The following FBXL7 variants were observed in gnomAD, a reference collection of about 807,000 sequenced individuals.
The protein encoded by FBXL7 is F-box/LRR-repeat protein 7.
In FBXL7, 12 loss-of-function variants were observed where a neutral mutation model predicts 38.3. The ratio of observed to expected loss-of-function variants is 0.31; its 90% CI spans 0.20 to 0.51. FBXL7 has a LOEUF of 0.51. Ranked by LOEUF, FBXL7 falls within the 20% of genes least tolerant of loss-of-function variation. The pLI is 0.98. For synonymous variants in FBXL7, 297 were observed against 300.9 expected, an observed-to-expected ratio of 0.99 and a Z score of 0.13; for missense variants, 567 against 676.4, an observed-to-expected ratio of 0.84 and a Z score of 1.79.
At chr5:15,725,711 A>G (rs1744326776) in intron 2 of FBXL7, among the ~76,000 whole-genome samples, 1 of 152,128 alleles carries the variant, frequency 6.6e-6, no homozygotes, top group Non-Finnish European at 1.5e-5. Context: ...ACCTAGGCTC[A>G]CTGCAACCTC....
chr5:15,659,061 A>G (rs1175616400), intron 2 of FBXL7, among the ~76,000 whole-genome samples: 1 of 152,182 alleles, frequency 6.6e-6, no homozygotes, highest in Non-Finnish European at 1.5e-5. Context: ...AGTCATGCTG[A>G]AGTGTGAATC....
intron 2 of FBXL7, among the ~76,000 whole-genome samples, chr5:15,927,109 C>T: frequency 6.6e-6 from 1 of 152,104 alleles, no homozygotes; most frequent in Middle Eastern, 3.4e-3. Context: ...AAACTATGAC[C>T]TGATGGGATT....
chr5:15,557,156 T>G (rs954379813), intron 1 of FBXL7, among the ~76,000 whole-genome samples: 14 of 152,156 alleles, frequency 9.2e-5, no homozygotes, highest in African/African-American at 3.4e-4. Flanking sequence ...GCCAGGATGG[T>G]CTCCATCTCT....
At chr5:15,903,096 T>C (rs1741270003) in intron 2 of FBXL7, among the ~76,000 whole-genome samples, 1 of 152,226 alleles carries the variant, frequency 6.6e-6, no homozygotes, top group East Asian at 1.9e-4. Context: ...GCCAAATGAC[T>C]ACATTGAGGG....
intron 2 of FBXL7, among the ~76,000 whole-genome samples, chr5:15,854,182 C>T (rs915736055): frequency 3.9e-5 from 6 of 152,148 alleles, no homozygotes; most frequent in African/African-American, 2.4e-5. Flanking sequence ...TAATAAACAA[C>T]CATCTGTTAG....
At chr5:15,741,303 AAC>A (rs1735887410) in intron 2 of FBXL7, among the ~76,000 whole-genome samples, 3 of 152,220 alleles carry the variant, frequency 2.0e-5, no homozygotes, top group Admixed American at 2.0e-4. Context: ...TAATTTTAGT[AAC>A]AGTTTTACCT....
chr5:15,925,635 A>G (rs1183751455), intron 2 of FBXL7, among the ~76,000 whole-genome samples: 1 of 152,248 alleles, frequency 6.6e-6, no homozygotes, highest in Non-Finnish European at 1.5e-5. Flanking sequence ...ATATAAGCAT[A>G]GAGCTTTTGT....
intron 2 of FBXL7, among the ~76,000 whole-genome samples, chr5:15,857,731 T>A (rs1229975992): frequency 6.6e-6 from 1 of 152,202 alleles, no homozygotes; most frequent in African/African-American, 2.4e-5. Flanking sequence ...TAGATTGGGA[T>A]CAGAAAACAT....
intron 2 of FBXL7, among the ~76,000 whole-genome samples, chr5:15,803,331 T>A (rs1210328782): frequency 6.6e-6 from 1 of 152,178 alleles, no homozygotes; most frequent in Non-Finnish European, 1.5e-5. Flanking sequence ...TCTTCTTCAA[T>A]ATAACATTGT....
chr5:15,683,054 A>G (rs1742900119), intron 2 of FBXL7, among the ~76,000 whole-genome samples: 1 of 152,168 alleles, frequency 6.6e-6, no homozygotes, highest in Admixed American at 6.5e-5. Context: ...AGAATAAGAG[A>G]GGGAGATGAG....
intron 2 of FBXL7, among the ~76,000 whole-genome samples, chr5:15,772,037 C>T (rs1351436898): frequency 1.3e-5 from 2 of 152,070 alleles, no homozygotes; most frequent in Middle Eastern, 3.2e-3. Flanking sequence ...TCCCAAAGTG[C>T]TGGAATTACA....
At chr5:15,619,858 A>G (rs1740568015) in intron 2 of FBXL7, among the ~76,000 whole-genome samples, 1 of 152,154 alleles carries the variant, frequency 6.6e-6, no homozygotes. Context: ...TTGGAGGTGT[A>G]TGTATGTGTG....
chr5:15,740,966 C>T (rs753444552), intron 2 of FBXL7, among the ~76,000 whole-genome samples: 3 of 152,060 alleles, frequency 2.0e-5, no homozygotes, highest in Non-Finnish European at 4.4e-5. Context: ...CTTAGGACAA[C>T]CATACATTTT....
chr5:15,593,585 C>T (rs975963699), intron 1 of FBXL7, among the ~76,000 whole-genome samples: 14 of 152,024 alleles, frequency 9.2e-5, no homozygotes, highest in African/African-American at 3.4e-4. Context: ...ATTAAGTTTG[C>T]TGGTGCAAAG....
At chr5:15,705,874 A>T (rs1021893805) in intron 2 of FBXL7, among the ~76,000 whole-genome samples, 7 of 151,948 alleles carry the variant, frequency 4.6e-5, no homozygotes, top group South Asian at 2.1e-4. Flanking sequence ...TTTTTTAACA[A>T]TAAATAAATG....
At chr5:15,817,806 T>C (rs545994036) in intron 2 of FBXL7, among the ~76,000 whole-genome samples, 2 of 152,284 alleles carry the variant, frequency 1.3e-5, no homozygotes, top group East Asian at 3.9e-4. Context: ...AACCTCTATT[T>C]CTTTACAGAT....
chr5:15,637,726 T>G (rs560147214), intron 2 of FBXL7, among the ~76,000 whole-genome samples: 1 of 152,238 alleles, frequency 6.6e-6, no homozygotes, highest in Admixed American at 6.5e-5. Flanking sequence ...GAACAGAGAA[T>G]GCAAATAATT....
chr5:15,616,712 A>C (rs1231662848), intron 2 of FBXL7, among the ~76,000 whole-genome samples: 1 of 152,228 alleles, frequency 6.6e-6, no homozygotes, highest in East Asian at 1.9e-4. Flanking sequence ...TTGAGTGTGG[A>C]ATTAATTGTT....
At chr5:15,875,145 TAAAAC>T (rs1040955172) in intron 2 of FBXL7, among the ~76,000 whole-genome samples, 4 of 152,008 alleles carry the variant, frequency 2.6e-5, no homozygotes, top group Admixed American at 6.6e-5. Context: ...ACAAACCTGA[TAAAAC>T]AAGCAGTGGG....
Sources: gnomAD v4.1 joint callset for allele counts (sites outside exome capture counted in the v4.1 genomes callset) on GRCh38, gnomAD v4.1.1 for gene constraint, MANE v1.5 for transcripts, NCBI Gene and HGNC (gene_info 2026-07-23, HGNC 2026-07-21) for gene names.